AGAP1: variants seen among roughly 807,000 people sequenced by gnomAD.
AGAP1 encodes arf-GAP with GTPase, ANK repeat and PH domain-containing protein 1.
In AGAP1, 29 loss-of-function variants were observed where a neutral mutation model predicts 105.3. The observed-to-expected ratio is 0.28, with a 90% CI of 0.21 to 0.38. AGAP1 has a LOEUF of 0.38. Ranked by LOEUF, AGAP1 falls within the 10% of genes least tolerant of loss-of-function variation. The pLI, the probability that AGAP1 is intolerant of heterozygous loss-of-function variation, is 1.00. For synonymous variants in AGAP1, 509 were observed against 485.9 expected (o/e 1.05, Z -0.63); for missense variants, 998 against 1,165.1 (o/e 0.86, Z 2.09).
At chr2:235,902,757 G>A (rs2051128671) in intron 10 of AGAP1, among the ~76,000 whole-genome samples, 1 of 152,196 alleles carries the variant, frequency 6.6e-6, no homozygotes, top group Non-Finnish European at 1.5e-5. Flanking sequence ...AGCTGCAGAA[G>A]TGCGTTTCTG....
chr2:235,658,440 AAGTG>A (rs749582705), intron 1 of AGAP1, among the ~76,000 whole-genome samples: 10 of 152,194 alleles, frequency 6.6e-5, no homozygotes, highest in Admixed American at 6.5e-5. Context: ...ATGGCTTTAT[AAGTG>A]AGTATTTCCG....
At chr2:235,524,487 G>T in intron 1 of AGAP1, 1 of 332,388 alleles carries the variant, frequency 3.0e-6, no homozygotes, top group Non-Finnish European at 6.3e-6. Flanking sequence ...ATGGGCAGTT[G>T]CTTGTCCTTG....
In AGAP1 at chr2:235,494,306, G is replaced by A. The variant is rs1318949366; in HGVS notation, c.-381G>A. The A allele has an allele frequency of 1.4e-5, 2 of 144,100 alleles. No individual in the cohort carries two copies. The highest frequency in any genetic ancestry group is 3.1e-5 in the Non-Finnish European group (2 of 65,058). 8.9% of individuals were successfully genotyped at this position (144,100 alleles called of 1,614,324 possible). Reference sequence around the variant, plus strand: ...CGCTCGGAGCGCGGCGGCTGCCTGGGCTTTAATGGCTGCTCCGCGGAGCAG... The same window carrying A: ...CGCTCGGAGCGCGGCGGCTGCCTGGACTTTAATGGCTGCTCCGCGGAGCAG... On this transcript the variant is annotated 5_prime_UTR_variant, in exon 1 of 18. Transcript: ENST00000304032.
In AGAP1 at chr2:236,036,503, G is replaced by A. The variant is rs536410667; in HGVS notation, c.1646-58G>A. ...GAGGCGCTTCTGTGACAGAGGGCCC[G>A]CAGGGGGACTGCTGTCTCATAAAAG... On this transcript the variant is annotated intron_variant, in intron 13 of 17. Transcript: ENST00000304032. This position sits in a 1 kb window ranked among gnomAD's most constrained non-coding sequence, Gnocchi z 5.7. 2.6e-4 allele frequency: 411 copies of A among 1,588,398 alleles called. 1 individual carries two copies. In the African/African-American group the frequency reaches 3.0e-3, roughly 12 times the overall value.
intron 9 of AGAP1, among the ~76,000 whole-genome samples, chr2:235,869,095 A>G (rs1024550087): frequency 6.6e-6 from 1 of 152,320 alleles, no homozygotes; most frequent in Non-Finnish European, 1.5e-5. Flanking sequence ...GTCACAAAAC[A>G]TTTGAAATTT....
intron 2 of AGAP1, among the ~76,000 whole-genome samples, chr2:235,711,072 T>G (rs562899865): frequency 6.6e-6 from 1 of 152,262 alleles, no homozygotes; most frequent in South Asian, 2.1e-4. Context: ...GAGCTGGTGC[T>G]TCCACCACCG....
rs2050134109 is a variant in AGAP1, at chr2:235,883,590, A to G, written c.1155+141A>G. On this transcript the variant is annotated intron_variant, in intron 10 of 17. Coordinates refer to ENST00000304032, the MANE Select transcript of AGAP1 (RefSeq NM_001037131.3). The surrounding 1 kb of genome is among the most constrained non-coding windows in gnomAD (Gnocchi z 4.5). ...TTGGTCTCCTGCTCAACTGTGAGAT[A>G]AATAACCCTGTTCCTCACACTCCAC... The G allele has an allele frequency of 2.5e-5, 16 of 643,556 alleles. No homozygotes were observed. The highest frequency in any genetic ancestry group is 2.2e-4 in the South Asian group (11 of 50,014). 39.9% of individuals were successfully genotyped at this position (643,556 alleles called of 1,614,324 possible). A position where few individuals can be genotyped will look rare whatever the true frequency, so the allele number is the denominator to read the frequency against.
At position 236,036,813 on chromosome 2, in the gene AGAP1, T is replaced by G. The variant is rs1196787741; in HGVS notation, c.1800+98T>G. The G allele has an allele frequency of 6.6e-7, 1 of 1,519,286 alleles. No homozygotes were observed. Among genetic ancestry groups the G allele is most frequent in the African/African-American group, 1.4e-5 (1 of 71,734 alleles). The allele number at this position is 1,519,286 out of a possible 1,614,324, so 94.1% of individuals were successfully genotyped here. On this transcript the variant is annotated intron_variant, in intron 14 of 17. Transcript: ENST00000304032. The surrounding 1 kb of genome is among the most constrained non-coding windows in gnomAD (Gnocchi z 5.7). ...GGGAGGAGAAAATAGAGGACCAGTG[T>G]GAATGACAGGACCTAGCTATTCTTT...
intron 1 of AGAP1, among the ~76,000 whole-genome samples, chr2:235,696,678 C>T (rs1950012716): frequency 6.6e-6 from 1 of 152,118 alleles, no homozygotes; most frequent in South Asian, 2.1e-4. Context: ...AGTAGTGGCA[C>T]CATGCTATCG....
chr2:235,686,282 G>A lies in AGAP1; in HGVS notation c.164-22897G>A, dbSNP rs528538709. Among the ~76,000 whole-genome samples the A allele has an allele frequency of 1.5e-3, 231 of 152,240 alleles. 1 individual carries two copies. Among genetic ancestry groups the A allele is most frequent in the Non-Finnish European group, 2.5e-3 (172 of 68,026 alleles). On this transcript the variant is annotated intron_variant, in intron 1 of 17. Transcript: ENST00000304032. ...GCTGGCCAAGGTGAATAGATGGTCAGATGGGCGATAGGAATGAACACTTTG... is the reference window on the plus strand; with the variant it reads ...GCTGGCCAAGGTGAATAGATGGTCAAATGGGCGATAGGAATGAACACTTTG...
At chr2:235,670,330 G>T in intron 1 of AGAP1, 1 of 484,050 alleles carries the variant, frequency 2.1e-6, no homozygotes, top group South Asian at 3.1e-5. Flanking sequence ...AGGAGGCGGA[G>T]GGCGCCGAGG....
intron 1 of AGAP1, among the ~76,000 whole-genome samples, chr2:235,654,929 T>C (rs1467863249): frequency 6.6e-6 from 1 of 152,206 alleles, no homozygotes; most frequent in African/African-American, 2.4e-5. Context: ...AATCCCTGTG[T>C]TGTCTTTGTC....
At chr2:236,023,721 G>A (rs932262157) in intron 13 of AGAP1, among the ~76,000 whole-genome samples, 3 of 152,156 alleles carry the variant, frequency 2.0e-5, no homozygotes, top group Non-Finnish European at 4.4e-5. Flanking sequence ...CCCCCAGGCT[G>A]AGCATGTCAT....
chr2:235,836,561 G>A (rs991916602), intron 9 of AGAP1, among the ~76,000 whole-genome samples: 1 of 152,222 alleles, frequency 6.6e-6, no homozygotes, highest in Non-Finnish European at 1.5e-5. Flanking sequence ...GCTGCAAGGC[G>A]CTTAGCCGGG....
intron 1 of AGAP1, among the ~76,000 whole-genome samples, chr2:235,501,176 A>G (rs1941546787): frequency 6.6e-6 from 1 of 152,154 alleles, no homozygotes; most frequent in East Asian, 1.9e-4. Context: ...TGTCAGGGGC[A>G]TCTGTCAGTG....
chr2:235,617,464 G>C, intron 1 of AGAP1, among the ~76,000 whole-genome samples: 1 of 152,172 alleles, frequency 6.6e-6, no homozygotes, highest in East Asian at 1.9e-4. Flanking sequence ...CACTTTGGGA[G>C]GCCAAGGTGG....
At chr2:236,052,190 A>G (rs2057920852) in intron 16 of AGAP1, among the ~76,000 whole-genome samples, 2 of 152,148 alleles carry the variant, frequency 1.3e-5, no homozygotes, top group Non-Finnish European at 2.9e-5. Flanking sequence ...AGTGCAATAT[A>G]TTTGGTGTAA....
chr2:235,846,502 T>G (rs1035815294), intron 9 of AGAP1, among the ~76,000 whole-genome samples: 2 of 150,460 alleles, frequency 1.3e-5, no homozygotes, highest in South Asian at 2.1e-4. Flanking sequence ...AATTTTTGGT[T>G]TTTTTTTTAG....
intron 16 of AGAP1, among the ~76,000 whole-genome samples, chr2:236,079,610 A>G (rs2123514): frequency 0.24 from 35,715 of 151,684 alleles, 4,649 homozygotes; most frequent in South Asian, 0.33. Context: ...ACATACATAT[A>G]TATATAGTGA....
Sources: gnomAD v4.1 joint callset for allele counts (sites outside exome capture counted in the v4.1 genomes callset) on GRCh38, gnomAD v4.1.1 for gene constraint, Gnocchi (gnomAD v3.1) non-coding constraint, MANE v1.5 for transcripts, NCBI Gene and HGNC (gene_info 2026-07-23, HGNC 2026-07-21) for gene names.